Variants in DLX5 observed in about 807,000 individuals in gnomAD.
DLX5 encodes the protein distal-less homeobox 5, also known as homeobox protein DLX-5.
A neutral mutation model predicts 27.1 loss-of-function variants in DLX5; 8 were observed. The ratio of observed to expected loss-of-function variants is 0.30; its 90% CI spans 0.17 to 0.53. The LOEUF is 0.53. Among genes scored for constraint, DLX5 ranks in the 20% least tolerant of loss-of-function variants. The pLI is 0.95. For synonymous variants in DLX5, 178 were observed against 161.9 expected, an observed-to-expected ratio of 1.10 and a Z score of -0.75; for missense variants, 339 against 375.1, an observed-to-expected ratio of 0.90 and a Z score of 0.80.
intron 1 of DLX5, among the ~76,000 whole-genome samples, chr7:97,023,395 T>C (rs1790118836): frequency 6.6e-6 from 1 of 150,384 alleles, no homozygotes; most frequent in African/African-American, 2.5e-5. Flanking sequence ...GGGAGAAGTG[T>C]GGAGGATGAG....
At chr7:97,023,039 AAAAAG>A (rs1259661073) in intron 1 of DLX5, among the ~76,000 whole-genome samples, 2 of 147,856 alleles carry the variant, frequency 1.4e-5, no homozygotes, top group African/African-American at 2.6e-5. Context: ...AAAAAAAAAA[AAAAAG>A]AAATCTTCCA....
In DLX5 at chr7:97,020,921, A is replaced by G. The variant is rs760699921; in HGVS notation, c.685T>C (p.Ser229Pro). 2.5e-5 allele frequency: 41 copies of G among 1,613,966 alleles called. No homozygotes were observed. Among genetic ancestry groups the G allele is most frequent in the Middle Eastern group, 3.3e-4 (2 of 5,984 alleles). The part of the protein sequence containing the change: ...QSPAVWEPQG[S>P]SRSLSHHPHA... ...GGGTGGTGGCTGAGCGAGCGGGACG[A>G]GCCCTGGGGCTCCCACACCGCTGGA... Residue 229 changes from serine to proline, a missense_variant, in exon 3 of 3, where the codon TCG (serine) becomes CCG (proline). By Grantham distance (74) the Ser-to-Pro change is moderately conservative. Around this residue, in one of 3 missense-constraint regions of DLX5, gnomAD observed 136 missense variants for 130.3 expected, o/e 1.04. Transcript: ENST00000648378.
In DLX5 at chr7:97,022,188, T is replaced by G. The variant is rs762435580; in HGVS notation, c.537A>C (p.Thr179=). 6.2e-7 allele frequency: 1 copy of G among 1,614,094 alleles called. No homozygotes were observed. Among genetic ancestry groups the G allele is most frequent in the Non-Finnish European group, 8.5e-7 (1 of 1,180,038 alleles). ...TGCATGGCAGCGCCGTATTTACCTG[T>G]GTTTGTGTCAATCCCAGCGAGGCGG... ...ELAASLGLTQ[T]QVKIWFQNKR... The change falls in exon 2 of 3, where the codon ACA becomes ACC. Residue 179 remains threonine (T), a synonymous_variant. Coordinates refer to ENST00000648378, the MANE Select transcript of DLX5 (RefSeq NM_005221.6).
In DLX5 at chr7:97,024,751, A is replaced by G; in HGVS notation, c.-128T>C. ...GCGAGGGAGGAGGAGGAAGAGGAGG[A>G]GGAGAGAAGGAGGAGGCGGCGGCCG... On this transcript the variant is annotated 5_prime_UTR_variant, in exon 1 of 3. Transcript: ENST00000648378. The surrounding 1 kb of genome is among the most constrained non-coding windows in gnomAD (Gnocchi z 4.6). 2 of 812,904 alleles carry G rather than the reference A, an allele frequency of 2.5e-6. No individual in the cohort carries two copies. The highest frequency in any genetic ancestry group is 3.8e-6 in the Non-Finnish European group (2 of 523,790). 50.4% of individuals were successfully genotyped at this position (812,904 alleles called of 1,614,324 possible). A position where few individuals can be genotyped will look rare whatever the true frequency, so the allele number is the denominator to read the frequency against.
chr7:97,024,374 C>A lies in DLX5; in HGVS notation c.250G>T (p.Ala84Ser), dbSNP rs758348857. 1 of 1,614,216 alleles carries A rather than the reference C, an allele frequency of 6.2e-7. No homozygotes were observed. The highest frequency in any genetic ancestry group is 8.5e-7 in the Non-Finnish European group (1 of 1,180,040). The change falls in exon 1 of 3, where the codon GCC becomes TCC. Residue 84 changes from alanine (A) to serine (S), a missense_variant. Transcript: ENST00000648378. The surrounding 1 kb of genome is among the most constrained non-coding windows in gnomAD (Gnocchi z 4.6). ...QYQYHGVNGS[A>S]GSYPAKAYAD... is the part of the protein sequence containing the mutation. ...TAAGCTTTGGCTGGGTAGCTCCCGGCGGAGCCGTTCACGCCGTGATACTGA... is the reference window on the plus strand; with the variant it reads ...TAAGCTTTGGCTGGGTAGCTCCCGGAGGAGCCGTTCACGCCGTGATACTGA...
chr7:97,024,671 A>G lies in DLX5; in HGVS notation c.-48T>C. The G allele has an allele frequency of 6.6e-7, 1 of 1,514,028 alleles. No individual in the cohort carries two copies. Among genetic ancestry groups the G allele is most frequent in the South Asian group, 1.3e-5 (1 of 79,768 alleles). 93.8% of individuals were successfully genotyped at this position (1,514,028 alleles called of 1,614,324 possible). Reference sequence around the variant, plus strand: ...CTGTCCTTGCTGTTGTGGCGGCGGCAGCTGCCCTAGTTGGCTGTGGGGCTG... The same window carrying G: ...CTGTCCTTGCTGTTGTGGCGGCGGCGGCTGCCCTAGTTGGCTGTGGGGCTG... On this transcript the variant is annotated 5_prime_UTR_variant, in exon 1 of 3. Transcript: ENST00000648378. This position sits in a 1 kb window ranked among gnomAD's most constrained non-coding sequence, Gnocchi z 4.6.
At position 97,024,324 on chromosome 7, in the gene DLX5, G is replaced by C. The variant is rs748382132; in HGVS notation, c.300C>G (p.Ser100=). ...TGTAGGCGCCGCCGTACTGGTGGTA[G>C]GAGCTAGCGTAGCTATAGTCGGCAT... ...KAYADYSYAS[S]YHQYGGAYNR... The change falls in exon 1 of 3, where the codon TCC becomes TCG. Residue 100 remains serine, a synonymous_variant. Coordinates refer to ENST00000648378, the MANE Select transcript of DLX5 (RefSeq NM_005221.6). This position sits in a 1 kb window ranked among gnomAD's most constrained non-coding sequence, Gnocchi z 4.6. The C allele has an allele frequency of 3.7e-6, 6 of 1,614,250 alleles. No individual in the cohort carries two copies. The highest frequency in any genetic ancestry group is 5.1e-6 in the Non-Finnish European group (6 of 1,180,048).
chr7:97,023,540 T>C (rs892157716), intron 1 of DLX5, among the ~76,000 whole-genome samples: 1 of 151,804 alleles, frequency 6.6e-6, no homozygotes, highest in Non-Finnish European at 1.5e-5. Flanking sequence ...CCGCCCAAGC[T>C]CACTAACCCT....
chr7:97,021,690 G>A (rs1407135755), intron 2 of DLX5, among the ~76,000 whole-genome samples: 1 of 152,144 alleles, frequency 6.6e-6, no homozygotes, highest in African/African-American at 2.4e-5. Flanking sequence ...CCCCCACCTC[G>A]CGACCCTTCG....
At chr7:97,023,337 G>GGT (rs10525881) in intron 1 of DLX5, among the ~76,000 whole-genome samples, 6,034 of 145,428 alleles carry the variant, frequency 0.041, 151 homozygotes, top group East Asian at 0.061. Context: ...ACCTCTCCAG[G>GGT]GTGTGTGTGT....
Position 97,024,141 on chromosome 7 carries a change from CCT to C in DLX5, c.355+126_355+127del. ...ACTCTCTTTGTTGGAGGGTCTGAGT[CCT>C]ACTCCCTTCTGCCGCGTGCGCCCCC... On this transcript the variant is annotated intron_variant, in intron 1 of 2. Coordinates refer to ENST00000648378, the MANE Select transcript of DLX5 (RefSeq NM_005221.6). This position sits in a 1 kb window ranked among gnomAD's most constrained non-coding sequence, Gnocchi z 4.6. The C allele has an allele frequency of 1.2e-6, 1 of 826,968 alleles. No homozygotes were observed. Among genetic ancestry groups the C allele is most frequent in the Non-Finnish European group, 1.9e-6 (1 of 538,262 alleles). The allele number at this position is 826,968 out of a possible 1,614,324, so 51.2% of individuals were successfully genotyped here.
In DLX5 at chr7:97,020,854, C is replaced by A; in HGVS notation, c.752G>T (p.Ser251Ile). 1.9e-6 allele frequency: 3 copies of A among 1,614,166 alleles called. No individual in the cohort carries two copies. Among genetic ancestry groups the A allele is most frequent in the Non-Finnish European group, 2.5e-6 (3 of 1,180,036 alleles). The stretch of plus-strand genomic sequence containing the variant: ...CCAGGATGCAGAGTTCTCCAGGTAG[C>A]TGGACGCTGGGGACTGGTTGGAGGT... Reference protein sequence around the residue: ...PPTSNQSPASSYLENSASWYT... With the variant: ...PPTSNQSPASIYLENSASWYT... The change falls in exon 3 of 3, where the codon AGC (serine) becomes ATC (isoleucine). Residue 251 changes from serine to isoleucine, a missense_variant. Around this residue, in one of 3 missense-constraint regions of DLX5, gnomAD observed 136 missense variants for 130.3 expected, o/e 1.04. Coordinates refer to ENST00000648378, the MANE Select transcript of DLX5 (RefSeq NM_005221.6).
intron 1 of DLX5, among the ~76,000 whole-genome samples, chr7:97,023,601 GAC>G (rs908657614): frequency 1.3e-5 from 2 of 151,954 alleles, no homozygotes; most frequent in Non-Finnish European, 2.9e-5. Flanking sequence ...AGGACGGAAA[GAC>G]AAATTGTGGG....
Position 97,024,380 on chromosome 7 carries a change from C to T in DLX5, c.244G>A (p.Gly82Ser), listed in dbSNP as rs748192072. The T allele has an allele frequency of 1.9e-6, 3 of 1,614,254 alleles. No homozygotes were observed. The highest frequency in any genetic ancestry group is 2.5e-6 in the Non-Finnish European group (3 of 1,180,050). The part of the protein sequence containing the change: ...PYQYQYHGVN[G>S]SAGSYPAKAY... ...TTGGCTGGGTAGCTCCCGGCGGAGC[C>T]GTTCACGCCGTGATACTGATACTGG... The change falls in exon 1 of 3, where the codon GGC becomes AGC. Residue 82 changes from glycine to serine, a missense_variant. By Grantham distance (56) the Gly-to-Ser change is moderately conservative. Around this residue, in one of 3 missense-constraint regions of DLX5, gnomAD observed 188 missense variants for 206.1 expected, o/e 0.91. Coordinates refer to ENST00000648378, the MANE Select transcript of DLX5 (RefSeq NM_005221.6). The surrounding 1 kb of genome is among the most constrained non-coding windows in gnomAD (Gnocchi z 4.6).
chr7:97,020,578 G>A lies in DLX5; in HGVS notation c.*158C>T. Reference sequence around the variant, plus strand: ...AAAAGTCCTCTGTAAAAAAAGGGGGGGTCTTTTGAAATGCAATAACTTACA... The same window carrying A: ...AAAAGTCCTCTGTAAAAAAAGGGGGAGTCTTTTGAAATGCAATAACTTACA... On this transcript the variant is annotated 3_prime_UTR_variant, in exon 3 of 3. Coordinates refer to ENST00000648378, the MANE Select transcript of DLX5 (RefSeq NM_005221.6). The A allele has an allele frequency of 4.1e-6, 3 of 724,556 alleles. No individual in the cohort carries two copies. Among genetic ancestry groups the A allele is most frequent in the Non-Finnish European group, 6.1e-6 (3 of 491,724 alleles). 44.9% of individuals were successfully genotyped at this position (724,556 alleles called of 1,614,324 possible).
chr7:97,020,824 G>A lies in DLX5; in HGVS notation c.782C>T (p.Thr261Ile). The A allele has an allele frequency of 6.2e-7, 1 of 1,614,128 alleles. No homozygotes were observed. The highest frequency in any genetic ancestry group is 8.5e-7 in the Non-Finnish European group (1 of 1,179,968). ...SYLENSASWY[T>I]SAASSINSHL... is the part of the protein sequence containing the mutation. ...GGAATTGATTGAGCTGGCTGCACTT[G>A]TGTACCAGGATGCAGAGTTCTCCAG... The change falls in exon 3 of 3, where the codon ACA (threonine) becomes ATA (isoleucine). Residue 261 changes from threonine to isoleucine, a missense_variant. Physicochemically the swap from Thr to Ile is moderately conservative, Grantham distance 89 (BLOSUM62 -1). Transcript: ENST00000648378.
At position 97,020,513 on chromosome 7, in the gene DLX5, G is replaced by C. The variant is rs1247563701; in HGVS notation, c.*223C>G. On this transcript the variant is annotated 3_prime_UTR_variant, in exon 3 of 3. Coordinates refer to ENST00000648378, the MANE Select transcript of DLX5 (RefSeq NM_005221.6). ...AGTCTTTTGAAAAGTTGAGGTCATA[G>C]ATTTCAAGGCACCATTGAAAGTGTC... The C allele has an allele frequency of 4.7e-6, 2 of 425,086 alleles. No individual in the cohort carries two copies. The highest frequency in any genetic ancestry group is 8.3e-6 in the Non-Finnish European group (2 of 242,340). The allele number at this position is 425,086 out of a possible 1,614,324, so 26.3% of individuals were successfully genotyped here. A position where few individuals can be genotyped will look rare whatever the true frequency, so the allele number is the denominator to read the frequency against.
rs1386029295 is a variant in DLX5, at chr7:97,024,593, T to C, written c.31A>G (p.Ser11Gly). The change falls in exon 1 of 3, where the codon AGC (serine) becomes GGC (glycine). Residue 11 changes from serine (S) to glycine (G), a missense_variant. Ser to Gly is a moderately conservative substitution (Grantham distance 56). This residue lies in a region of DLX5 where 188 missense variants were observed against 206.1 expected (regional missense o/e 0.91). Coordinates refer to ENST00000648378, the MANE Select transcript of DLX5 (RefSeq NM_005221.6). This position sits in a 1 kb window ranked among gnomAD's most constrained non-coding sequence, Gnocchi z 4.6. MTGVFDRRVP[S>G]IRSGDFQAPF... ...GCTTGGAAGTCGCCGGATCGGATGCTGGGGACCCTTCTGTCAAACACTCCT... is the reference window on the plus strand; with the variant it reads ...GCTTGGAAGTCGCCGGATCGGATGCCGGGGACCCTTCTGTCAAACACTCCT... 6.2e-7 allele frequency: 1 copy of C among 1,604,112 alleles called. No homozygotes were observed. The highest frequency in any genetic ancestry group is 1.3e-5 in the African/African-American group (1 of 74,732).
intron 1 of DLX5, 29 bp from the exon 2 acceptor site, chr7:97,022,398 G>T: frequency 1.2e-6 from 2 of 1,611,046 alleles, no homozygotes; most frequent in Middle Eastern, 1.6e-4. Context: ...CTCAGTTAAA[G>T]CTTGTCACCA....
Sources: allele counts gnomAD v4.1 joint callset (sites outside exome capture counted in the v4.1 genomes callset), GRCh38; gene constraint gnomAD v4.1.1; regional missense constraint gnomAD v4.1.1; non-coding constraint Gnocchi (gnomAD v3.1); transcripts MANE v1.5; gene names NCBI Gene and HGNC (gene_info 2026-07-23, HGNC 2026-07-21).